The following PI4KA variants were observed in gnomAD, a reference collection of about 807,000 sequenced individuals.
The protein encoded by PI4KA is PI4-kinase alpha.
PI4KA carries 122 observed loss-of-function variants against 271.4 expected under a neutral mutation model. The ratio of observed to expected loss-of-function variants is 0.45; its 90% CI spans 0.39 to 0.52. The LOEUF is 0.52. PI4KA is among the 20% of genes least tolerant of loss of function. PI4KA has a pLI of 0.00. For synonymous variants in PI4KA, 1,041 were observed against 1,078.8 expected (o/e 0.96, Z 0.69); for missense variants, 1,969 against 2,769.1 (o/e 0.71, Z 6.48).
intron 18 of PI4KA, among the ~76,000 whole-genome samples, chr22:20,795,119 T>G (rs985260946): frequency 6.6e-6 from 1 of 152,156 alleles, no homozygotes; most frequent in Non-Finnish European, 1.5e-5. Flanking sequence ...TGGGATACAT[T>G]GGGGTTTTTC....
At chr22:20,782,237 T>C (rs1933855227) in intron 19 of PI4KA, among the ~76,000 whole-genome samples, 1 of 152,118 alleles carries the variant, frequency 6.6e-6, no homozygotes, top group Non-Finnish European at 1.5e-5. Context: ...CAGTGAGCCA[T>C]CCCTGCCTGC....
chr22:20,734,592 A>T (rs1928478836), intron 32 of PI4KA, 39 bp from the exon 33 acceptor site: 1 of 1,556,550 alleles, frequency 6.4e-7, no homozygotes, highest in African/African-American at 1.4e-5. Flanking sequence ...TCTGTGAAAC[A>T]CAAAAAGGGG....
intron 42 of PI4KA, among the ~76,000 whole-genome samples, chr22:20,722,889 G>A (rs1362555663): frequency 6.6e-6 from 1 of 152,204 alleles, no homozygotes; most frequent in Non-Finnish European, 1.5e-5. Context: ...TCAATGTGTA[G>A]TGTTTTTAAA....
chr22:20,834,690 T>G (rs756264327), intron 2 of PI4KA, 35 bp from the exon 3 acceptor site: 1 of 1,369,362 alleles, frequency 7.3e-7, no homozygotes, highest in East Asian at 2.4e-5. Flanking sequence ...AAATTAGATT[T>G]AATAAAATAA....
chr22:20,852,832 A>T (rs1299222586), intron 1 of PI4KA, among the ~76,000 whole-genome samples: 1 of 152,192 alleles, frequency 6.6e-6, no homozygotes, highest in Non-Finnish European at 1.5e-5. Context: ...CACTACCCTA[A>T]GCACCAAGCC....
chr22:20,751,228 C>T (rs763420574), intron 27 of PI4KA, 65 bp downstream of exon 27: 9 of 1,324,378 alleles, frequency 6.8e-6, no homozygotes, highest in Admixed American at 3.5e-5. Context: ...TTGACCATCT[C>T]GTGGAAATAC....
chr22:20,824,732 TCACACACACACACACA>T (rs361914), intron 3 of PI4KA, among the ~76,000 whole-genome samples: 202 of 136,296 alleles, frequency 1.5e-3, no homozygotes, highest in Middle Eastern at 3.6e-3. Flanking sequence ...ATGTGATAAA[TCACACACACACACACA>T]CACACACACA....
chr22:20,851,469 C>T (rs1601623028), intron 1 of PI4KA, among the ~76,000 whole-genome samples: 1 of 152,120 alleles, frequency 6.6e-6, no homozygotes, highest in East Asian at 1.9e-4. Flanking sequence ...TCCCAAGTAG[C>T]TGGGCTTACA....
In PI4KA at chr22:20,811,086, G is replaced by C. The variant is rs1309225774; in HGVS notation, c.1006-54C>G. On this transcript the variant is annotated intron_variant, in intron 8 of 54. Transcript: ENST00000255882. ...AACTGACATACACAGAGACAGGAAT[G>C]CTAGCTCCTTCTACCGAAAACCCAT... is the stretch of plus-strand genomic sequence containing the variant. 10 of 1,327,680 alleles carry C rather than the reference G, an allele frequency of 7.5e-6. 1 individual carries two copies. The highest frequency in any genetic ancestry group is 1.1e-5 in the Non-Finnish European group (10 of 918,944). 82.2% of individuals were successfully genotyped at this position (1,327,680 alleles called of 1,614,324 possible).
chr22:20,782,626 C>T (rs1933884874), intron 19 of PI4KA, among the ~76,000 whole-genome samples: 1 of 152,190 alleles, frequency 6.6e-6, no homozygotes, highest in Non-Finnish European at 1.5e-5. Flanking sequence ...TCCATCCAAA[C>T]TGAAAGGGCC....
intron 19 of PI4KA, chr22:20,779,798 G>T (rs374297570): frequency 1.2e-6 from 2 of 1,614,200 alleles, no homozygotes; most frequent in Admixed American, 3.3e-5. Flanking sequence ...CTACTGCGAT[G>T]GGTATGATTT....
chr22:20,768,460 G>T (rs1932729677), intron 19 of PI4KA, among the ~76,000 whole-genome samples: 1 of 152,114 alleles, frequency 6.6e-6, no homozygotes, highest in African/African-American at 2.4e-5. Flanking sequence ...TAAATAATAT[G>T]ATATAGATTT....
rs770276442 is a variant in PI4KA, at chr22:20,753,049, G to A, written c.2863-22C>T. On this transcript the variant is annotated intron_variant, in intron 24 of 54. Coordinates refer to ENST00000255882, the MANE Select transcript of PI4KA (RefSeq NM_058004.4). ...TGGCCTAGAGATGCAAAAGAAACAG[G>A]TACCGCAGTGCCCCAGATGCCTCCA... 1.2e-5 allele frequency: 20 copies of A among 1,614,090 alleles called. No homozygotes were observed. The East Asian group carries it at 2.9e-4, about 23-fold the overall frequency.
chr22:20,717,186 C>CA (rs561597482), intron 45 of PI4KA, among the ~76,000 whole-genome samples: 68 of 152,182 alleles, frequency 4.5e-4, no homozygotes, highest in Non-Finnish European at 8.1e-4. Flanking sequence ...AAAACAACAA[C>CA]AAAAAAAGAA....
intron 29 of PI4KA, among the ~76,000 whole-genome samples, chr22:20,746,656 G>C (rs1019555148): frequency 6.6e-6 from 1 of 152,228 alleles, no homozygotes; most frequent in Non-Finnish European, 1.5e-5. Flanking sequence ...CCAGGTCAGG[G>C]CACTGATACC....
chr22:20,737,401 T>A (rs1928858234), intron 32 of PI4KA, among the ~76,000 whole-genome samples: 1 of 152,094 alleles, frequency 6.6e-6, no homozygotes. Flanking sequence ...ATATCTGTAC[T>A]CCAACTGCCC....
In PI4KA at chr22:20,820,024, C is replaced by A. The variant is rs165691; in HGVS notation, c.530-124G>T. ...ACCCACTAATAACTGTGAAGGTTCA[C>A]AATAAGCCACAATAATGGGGTCCAC... On this transcript the variant is annotated intron_variant, in intron 5 of 54. Transcript: ENST00000255882. The A allele has an allele frequency of 0.47, 392,747 of 836,628 alleles. 93,200 individuals carry two copies. Among genetic ancestry groups the A allele is most frequent in the African/African-American group, 0.6 (35,717 of 59,040 alleles). The allele number at this position is 836,628 out of a possible 1,614,324, so 51.8% of individuals were successfully genotyped here.
chr22:20,831,749 A>AT (rs1262711860), intron 3 of PI4KA, among the ~76,000 whole-genome samples: 3 of 151,626 alleles, frequency 2.0e-5, no homozygotes, highest in Admixed American at 6.6e-5. Flanking sequence ...TGCCTTTAAC[A>AT]TTTTTTTTCT....
At chr22:20,816,935 A>C (rs1921883991) in intron 7 of PI4KA, among the ~76,000 whole-genome samples, 1 of 152,224 alleles carries the variant, frequency 6.6e-6, no homozygotes, top group African/African-American at 2.4e-5. Context: ...GGAAAAGGGA[A>C]GCCTCCAAGG....
Sources: gnomAD v4.1 joint callset for allele counts (sites outside exome capture counted in the v4.1 genomes callset) on GRCh38, gnomAD v4.1.1 for gene constraint, MANE v1.5 for transcripts, NCBI Gene and HGNC (gene_info 2026-07-23, HGNC 2026-07-21) for gene names.